Variants in TNS3 observed in about 807,000 individuals in gnomAD.
The protein encoded by TNS3 is tensin-3.
Under a neutral mutation model 140.9 loss-of-function variants are expected in TNS3, and 45 were observed. The observed-to-expected ratio is 0.32, with a 90% CI of 0.25 to 0.41. The LOEUF (loss-of-function observed/expected upper bound fraction) is 0.41. Among genes scored for constraint, TNS3 ranks in the 10% least tolerant of loss-of-function variants. The pLI, the probability that TNS3 is intolerant of heterozygous loss-of-function variation, is 1.00. For missense variants in TNS3, 1,716 were observed against 1,906.7 expected (o/e 0.90, Z 1.86); for synonymous variants, 815 against 788.4 (o/e 1.03, Z -0.56).
intron 13 of TNS3, among the ~76,000 whole-genome samples, chr7:47,410,459 C>A (rs1160563803): frequency 1.3e-5 from 2 of 152,202 alleles, no homozygotes; most frequent in Non-Finnish European, 2.9e-5. Flanking sequence ...GCCTGAAGAA[C>A]CCCTCAATTA....
At chr7:47,293,204 A>G (rs1041059674) in intron 25 of TNS3, among the ~76,000 whole-genome samples, 2 of 152,234 alleles carry the variant, frequency 1.3e-5, no homozygotes, top group Non-Finnish European at 1.5e-5. Context: ...GAGGGTTGAC[A>G]TCAAGCCAAC....
At chr7:47,534,151 G>A (rs755071831) in intron 1 of TNS3, among the ~76,000 whole-genome samples, 14 of 151,970 alleles carry the variant, frequency 9.2e-5, no homozygotes, top group South Asian at 6.2e-4. Flanking sequence ...GCGGGCACCC[G>A]TAATCCCAGC....
At chr7:47,542,324 G>C (rs1029291486) in intron 1 of TNS3, among the ~76,000 whole-genome samples, 2 of 152,132 alleles carry the variant, frequency 1.3e-5, no homozygotes, top group African/African-American at 2.4e-5. Flanking sequence ...CTGCAGAGAG[G>C]CATCATCTAA....
At chr7:47,298,285 T>C (rs759905014) in intron 23 of TNS3, among the ~76,000 whole-genome samples, 6 of 152,226 alleles carry the variant, frequency 3.9e-5, no homozygotes, top group Non-Finnish European at 7.3e-5. Context: ...ATTCCCCATG[T>C]GCCCGCCAAC....
intron 16 of TNS3, among the ~76,000 whole-genome samples, chr7:47,390,766 CAT>C (rs1190704728): frequency 5.3e-5 from 8 of 152,296 alleles, no homozygotes; most frequent in African/African-American, 1.9e-4. Context: ...CTAAATCTGT[CAT>C]AGAGTCTCAC....
At chr7:47,377,003 C>T (rs1019471255) in intron 16 of TNS3, among the ~76,000 whole-genome samples, 11 of 152,288 alleles carry the variant, frequency 7.2e-5, no homozygotes, top group Non-Finnish European at 2.9e-5. Context: ...GCAGCCCCAT[C>T]GGGGTCAGGA....
intron 9 of TNS3, among the ~76,000 whole-genome samples, chr7:47,424,883 C>G (rs1348488299): frequency 1.3e-5 from 2 of 152,346 alleles, no homozygotes; most frequent in Admixed American, 6.5e-5. Context: ...TCCACAGTGC[C>G]CACAGGAAGT....
At position 47,368,240 on chromosome 7, in the gene TNS3, G is replaced by T. The variant is rs993630725; in HGVS notation, c.2281+125C>A. On this transcript the variant is annotated intron_variant, in intron 17 of 30. Transcript: ENST00000311160. ...GCCAAAATTCACAAGAGTTGAAACTGCAAGGGAAATGTCCCTCCCTTGTGG... is the reference window on the plus strand; with the variant it reads ...GCCAAAATTCACAAGAGTTGAAACTTCAAGGGAAATGTCCCTCCCTTGTGG... 24 of 1,027,678 alleles carry T rather than the reference G, an allele frequency of 2.3e-5. No individual in the cohort carries two copies. In the African/African-American group the frequency reaches 3.9e-4, roughly 17 times the overall value. 63.7% of individuals were successfully genotyped at this position (1,027,678 alleles called of 1,614,324 possible). A position where few individuals can be genotyped will look rare whatever the true frequency, so the allele number is the denominator to read the frequency against.
intron 2 of TNS3, among the ~76,000 whole-genome samples, chr7:47,525,462 A>G (rs1689646350): frequency 6.6e-6 from 1 of 152,220 alleles, no homozygotes; most frequent in South Asian, 2.1e-4. Context: ...CCTGTTGAAC[A>G]TCTTGTCCAG....
intron 1 of TNS3, among the ~76,000 whole-genome samples, chr7:47,541,961 G>C (rs972758345): frequency 2.1e-4 from 30 of 142,346 alleles, no homozygotes; most frequent in African/African-American, 9.1e-4. Flanking sequence ...AAAAAAAAAA[G>C]CAAATGACCA....
intron 20 of TNS3, among the ~76,000 whole-genome samples, chr7:47,324,904 C>A (rs1584403032): frequency 6.6e-6 from 1 of 151,928 alleles, no homozygotes; most frequent in Admixed American, 6.6e-5. Flanking sequence ...CAATTGTCAC[C>A]AAGATATCCT....
chr7:47,582,194 G>C (rs1784553692), upstream of TNS3: 1 of 148,736 alleles, frequency 6.7e-6, no homozygotes, highest in East Asian at 2.1e-4. Flanking sequence ...CAATCGCCAC[G>C]GCCGGCCCCC....
At chr7:47,561,973 T>C (rs1180662487) in intron 1 of TNS3, among the ~76,000 whole-genome samples, 1 of 152,244 alleles carries the variant, frequency 6.6e-6, no homozygotes, top group Non-Finnish European at 1.5e-5. Context: ...CACTAAGTTA[T>C]TTAGTCTGCT....
chr7:47,454,468 T>G lies in TNS3; in HGVS notation c.-75-12413A>C, dbSNP rs1316525813. 6.6e-5 allele frequency among the ~76,000 whole-genome samples: 10 copies of G among 152,236 alleles called. No individual in the cohort carries two copies. In the East Asian group the frequency reaches 1.9e-3, roughly 29 times the overall value. ...AGCCTCCCAGGATCTCTGTGGGGAC[T>G]AAGAAGATGCCTCAAGGCACCAAGC... On this transcript the variant is annotated intron_variant, in intron 4 of 30. Transcript: ENST00000311160.
intron 17 of TNS3, among the ~76,000 whole-genome samples, chr7:47,347,745 C>T (rs1022032146): frequency 1.3e-5 from 2 of 152,138 alleles, no homozygotes; most frequent in Non-Finnish European, 2.9e-5. Context: ...GCAGCTCCCT[C>T]CACAGATCCA....
At chr7:47,311,411 T>TGC in intron 20 of TNS3, among the ~76,000 whole-genome samples, 1 of 120,812 alleles carries the variant, frequency 8.3e-6, no homozygotes. Context: ...TGTGTGTGTG[T>TGC]GTGTGTGTGT....
At chr7:47,552,572 A>G (rs1800092558) in intron 1 of TNS3, among the ~76,000 whole-genome samples, 1 of 152,072 alleles carries the variant, frequency 6.6e-6, no homozygotes, top group Admixed American at 6.5e-5. Flanking sequence ...GTTATTTGTG[A>G]TCTGTGCTCT....
At chr7:47,323,802 T>TA (rs1349428387) in intron 20 of TNS3, among the ~76,000 whole-genome samples, 1 of 151,996 alleles carries the variant, frequency 6.6e-6, no homozygotes, top group Non-Finnish European at 1.5e-5. Flanking sequence ...GAGCGAGGAC[T>TA]AAAAAAACTA....
intron 2 of TNS3, among the ~76,000 whole-genome samples, chr7:47,509,897 G>A (rs946081518): frequency 1.3e-4 from 20 of 152,208 alleles, no homozygotes; most frequent in Middle Eastern, 3.4e-3. Flanking sequence ...CATCTCTCCC[G>A]ATGGGCTGCA....
Sources: gnomAD v4.1 joint callset for allele counts (sites outside exome capture counted in the v4.1 genomes callset) on GRCh38, gnomAD v4.1.1 for gene constraint, MANE v1.5 for transcripts, NCBI Gene and HGNC (gene_info 2026-07-23, HGNC 2026-07-21) for gene names.